The following ADGRF4 variants were observed in gnomAD, a reference collection of about 807,000 sequenced individuals.
ADGRF4 encodes the protein G-protein coupled receptor PGR18.
In ADGRF4, 63 loss-of-function variants were observed where a neutral mutation model predicts 58.5. That is an observed-to-expected ratio of 1.08 (90% CI 0.88 to 1.33). The LOEUF is 1.33. ADGRF4 is among the 40% of genes most tolerant of loss of function. The pLI is 0.00. For synonymous variants in ADGRF4, 313 were observed against 295.4 expected, an observed-to-expected ratio of 1.06 and a Z score of -0.61; for missense variants, 931 against 843.9, an observed-to-expected ratio of 1.10 and a Z score of -1.28.
chr6:47,717,144 T>G lies in ADGRF4; in HGVS notation c.1975-148T>G, dbSNP rs556553210. On this transcript the variant is annotated intron_variant, in intron 7 of 9. Transcript: ENST00000283303. Reference sequence around the variant, plus strand: ...CTAATTATAATTACACCCTAGCTTTTATCCAAATCTTGTTACTTGCCAGTC... The same window carrying G: ...CTAATTATAATTACACCCTAGCTTTGATCCAAATCTTGTTACTTGCCAGTC... 8.7e-5 allele frequency: 60 copies of G among 693,512 alleles called. 1 individual carries two copies. The highest frequency in any genetic ancestry group is 1.5e-4 in the Non-Finnish European group (56 of 377,636). The allele number at this position is 693,512 out of a possible 1,614,324, so 43.0% of individuals were successfully genotyped here. A position where few individuals can be genotyped will look rare whatever the true frequency, so the allele number is the denominator to read the frequency against.
rs768961052 is a variant in ADGRF4, at chr6:47,713,905, G to C, written c.660G>C (p.Leu220Phe). The change falls in exon 6 of 10, where the codon TTG (leucine) becomes TTC (phenylalanine). Residue 220 changes from leucine (L) to phenylalanine (F), a missense_variant. Physicochemically the swap from Leu to Phe is conservative, Grantham distance 22. Transcript: ENST00000283303. ...ASSDLLQSVN[L>F]FARQLHIHNN... ...CGGATTTGTTGCAGTCAGTGAATTT[G>C]TTTGCCAGACAACTCCACATCCACA... The C allele has an allele frequency of 2.5e-6, 4 of 1,609,638 alleles. No homozygotes were observed. The highest frequency in any genetic ancestry group is 3.4e-6 in the Non-Finnish European group (4 of 1,178,364).
chr6:47,717,699 A>G (rs1253977378), intron 8 of ADGRF4, among the ~76,000 whole-genome samples: 1 of 152,254 alleles, frequency 6.6e-6, no homozygotes, highest in Non-Finnish European at 1.5e-5. Flanking sequence ...CATTCATTTT[A>G]CAGGTATGGA....
At chr6:47,710,371 T>C (rs1771831441) in intron 3 of ADGRF4, among the ~76,000 whole-genome samples, 1 of 152,212 alleles carries the variant, frequency 6.6e-6, no homozygotes, top group African/African-American at 2.4e-5. Flanking sequence ...CAATTATCTT[T>C]CAAAAACAAG....
intron 1 of ADGRF4, among the ~76,000 whole-genome samples, chr6:47,706,871 G>C (rs185363414): frequency 6.6e-6 from 1 of 152,300 alleles, no homozygotes; most frequent in Non-Finnish European, 1.5e-5. Flanking sequence ...GAATTTATGC[G>C]AAGACAGTGC....
Position 47,714,269 on chromosome 6 carries a change from A to G in ADGRF4, c.1024A>G (p.Thr342Ala). 1 of 1,614,062 alleles carries G rather than the reference A, an allele frequency of 6.2e-7. No homozygotes were observed. The change falls in exon 6 of 10, where the codon ACC (threonine) becomes GCC (alanine). Residue 342 changes from threonine to alanine, a missense_variant. Physicochemically the swap from Thr to Ala is moderately conservative, Grantham distance 58. Coordinates refer to ENST00000283303, the MANE Select transcript of ADGRF4 (RefSeq NM_153838.5). ...ACTCACCTTCGAAAAGATCAATAAAACCCGCAATGCCAGAGCCCAGTGTGT... is the reference window on the plus strand; with the variant it reads ...ACTCACCTTCGAAAAGATCAATAAAGCCCGCAATGCCAGAGCCCAGTGTGT... Reference protein sequence around the residue: ...IILTFEKINKTRNARAQCVGW... With the variant: ...IILTFEKINKARNARAQCVGW...
At chr6:47,718,703 C>A (rs1386543660) in intron 9 of ADGRF4, among the ~76,000 whole-genome samples, 1 of 152,184 alleles carries the variant, frequency 6.6e-6, no homozygotes, top group Admixed American at 6.5e-5. Context: ...TGCTCACATA[C>A]CTTAATTCCA....
At chr6:47,709,197 T>C (rs1771799498) in intron 3 of ADGRF4, among the ~76,000 whole-genome samples, 1 of 152,240 alleles carries the variant, frequency 6.6e-6, no homozygotes, top group African/African-American at 2.4e-5. Flanking sequence ...AACACCCTAA[T>C]AGCTCTCAGC....
chr6:47,711,273 T>G (rs1331803999), intron 4 of ADGRF4, among the ~76,000 whole-genome samples: 2 of 152,206 alleles, frequency 1.3e-5, no homozygotes, highest in Non-Finnish European at 2.9e-5. Context: ...TATCTCTTTT[T>G]TTGTTTTTGA....
chr6:47,705,909 A>G (rs1771698426), intron 1 of ADGRF4, among the ~76,000 whole-genome samples: 1 of 152,224 alleles, frequency 6.6e-6, no homozygotes, highest in Admixed American at 6.5e-5. Flanking sequence ...CCCACTGAAC[A>G]TCTTTTACAG....
chr6:47,720,097 A>G (rs1007713305), intron 9 of ADGRF4, among the ~76,000 whole-genome samples: 6 of 152,146 alleles, frequency 3.9e-5, no homozygotes, highest in Admixed American at 1.3e-4. Flanking sequence ...ATCATGGTAG[A>G]CCATGTTGGG....
In ADGRF4 at chr6:47,714,838, C is replaced by T; in HGVS notation, c.1593C>T (p.Val531=). 6.2e-7 allele frequency: 1 copy of T among 1,611,722 alleles called. No homozygotes were observed. Among genetic ancestry groups the T allele is most frequent in the Non-Finnish European group, 8.5e-7 (1 of 1,177,922 alleles). ...IGYGCPLIIA[V]TTVAITEPEK... is the part of the protein sequence containing the mutation. ...ATGGGTGCCCATTGATCATTGCTGT[C>T]ACTACAGTTGCTATCACAGAGCCAG... The change falls in exon 6 of 10, where the codon GTC becomes GTT. Residue 531 remains valine, a synonymous_variant. Transcript: ENST00000283303.
intron 8 of ADGRF4, among the ~76,000 whole-genome samples, chr6:47,717,680 A>G (rs1368241594): frequency 6.6e-6 from 1 of 152,264 alleles, no homozygotes; most frequent in Admixed American, 6.5e-5. Context: ...ATGAGATTCT[A>G]GTCCAACCCA....
chr6:47,717,619 G>T (rs1301125092), intron 8 of ADGRF4, among the ~76,000 whole-genome samples: 2 of 152,210 alleles, frequency 1.3e-5, no homozygotes, highest in African/African-American at 4.8e-5. Context: ...ATGAACTCAG[G>T]ATCACAGATT....
At position 47,715,077 on chromosome 6, in the gene ADGRF4, C is replaced by T. The variant is rs1771980809; in HGVS notation, c.1832C>T (p.Thr611Ile). Residue 611 changes from threonine to isoleucine, a missense_variant, in exon 6 of 10, where the codon ACT becomes ATT. By Grantham distance (89) the Thr-to-Ile change is moderately conservative. Coordinates refer to ENST00000283303, the MANE Select transcript of ADGRF4 (RefSeq NM_153838.5). The stretch of plus-strand genomic sequence containing the variant: ...ATCAGCAAAAATGTTGCCATCCTCA[C>T]TCCACTGCTGGGACTGACCTGGGGT... ...MRISKNVAIL[T>I]PLLGLTWGFG... is the part of the protein sequence containing the mutation. The T allele has an allele frequency of 6.2e-7, 1 of 1,613,106 alleles. No individual in the cohort carries two copies. The highest frequency in any genetic ancestry group is 8.5e-7 in the Non-Finnish European group (1 of 1,179,086).
At chr6:47,716,715 C>A in intron 6 of ADGRF4, 91 bp from the exon 7 acceptor site, 1 of 944,422 alleles carries the variant, frequency 1.1e-6, no homozygotes, top group East Asian at 2.4e-5. Flanking sequence ...AATAACTGCC[C>A]TAGGAGGTAT....
chr6:47,710,990 C>A, intron 4 of ADGRF4, 104 bp downstream of exon 4: 1 of 1,092,888 alleles, frequency 9.2e-7, no homozygotes, highest in Non-Finnish European at 1.3e-6. Flanking sequence ...CTCAGATCCG[C>A]ACTTAGAAAA....
In ADGRF4 at chr6:47,711,093, C is replaced by G. The variant is rs148141575; in HGVS notation, c.300+207C>G. On this transcript the variant is annotated intron_variant, in intron 4 of 9. Coordinates refer to ENST00000283303, the MANE Select transcript of ADGRF4 (RefSeq NM_153838.5). Reference sequence around the variant, plus strand: ...TCCTCTCTATATGCTCTCTATTTCTCCCGCTAAGAAACTTTTCTCAAAAAA... The same window carrying G: ...TCCTCTCTATATGCTCTCTATTTCTGCCGCTAAGAAACTTTTCTCAAAAAA... 8.6e-4 allele frequency among the ~76,000 whole-genome samples: 121 copies of G among 140,374 alleles called. 1 individual carries two copies. The highest frequency in any genetic ancestry group is 7.2e-3 in the Middle Eastern group (2 of 278). The allele number at this position is 140,374 out of a possible 152,430, so 92.1% of individuals were successfully genotyped here.
At position 47,714,707 on chromosome 6, in the gene ADGRF4, T is replaced by C; in HGVS notation, c.1462T>C (p.Phe488Leu). The C allele has an allele frequency of 1.2e-6, 2 of 1,614,056 alleles. No individual in the cohort carries two copies. Among genetic ancestry groups the C allele is most frequent in the South Asian group, 1.1e-5 (1 of 91,072 alleles). ...CAGCCACTTTTTCTACCTCTCTCTG[T>C]TTTTCTGGATGCTCTTCAAAGCATT... ...FFSHFFYLSL[F>L]FWMLFKALLI... The change falls in exon 6 of 10, where the codon TTT becomes CTT. Residue 488 changes from phenylalanine (F) to leucine (L), a missense_variant. Coordinates refer to ENST00000283303, the MANE Select transcript of ADGRF4 (RefSeq NM_153838.5).
At chr6:47,707,681 T>C (rs1418294653) in intron 2 of ADGRF4, among the ~76,000 whole-genome samples, 1 of 152,216 alleles carries the variant, frequency 6.6e-6, no homozygotes, top group Non-Finnish European at 1.5e-5. Context: ...GTTGTTTCAC[T>C]TTTCTGAGTC....
Sources: allele counts gnomAD v4.1 joint callset (sites outside exome capture counted in the v4.1 genomes callset), GRCh38; gene constraint gnomAD v4.1.1; transcripts MANE v1.5; gene names NCBI Gene and HGNC (gene_info 2026-07-23, HGNC 2026-07-21).